PARD3: variants seen among roughly 807,000 people sequenced by gnomAD.
PARD3 encodes the protein par-3 family cell polarity regulator.
Under a neutral mutation model 155.4 loss-of-function variants are expected in PARD3, and 75 were observed. The observed-to-expected ratio is 0.48, with a 90% CI of 0.40 to 0.58. PARD3 has a LOEUF of 0.58. PARD3 is among the 20% of genes least tolerant of loss of function. PARD3 has a pLI of 0.00. For synonymous variants in PARD3, 576 were observed against 610.5 expected (o/e 0.94, Z 0.83); for missense variants, 1,642 against 1,721.7 (o/e 0.95, Z 0.82).
chr10:34,692,878 C>G (rs2094096017), intron 2 of PARD3, among the ~76,000 whole-genome samples: 1 of 152,040 alleles, frequency 6.6e-6, no homozygotes, highest in East Asian at 1.9e-4. Context: ...CATCTCAAAA[C>G]AAAGTGGACA....
chr10:34,126,142 T>A (rs1258882325), intron 23 of PARD3, among the ~76,000 whole-genome samples: 7 of 152,214 alleles, frequency 4.6e-5, no homozygotes, highest in African/African-American at 1.7e-4. Context: ...CTTCTCTTGC[T>A]CAACTTGGGA....
intron 5 of PARD3, among the ~76,000 whole-genome samples, chr10:34,412,843 G>C (rs542625817): frequency 2.9e-4 from 44 of 152,144 alleles, no homozygotes; most frequent in Non-Finnish European, 4.9e-4. Context: ...TTCAGAGAAA[G>C]AGACATTACA....
In PARD3 at chr10:34,813,310, C is replaced by G. The variant is rs937905358; in HGVS notation, c.120+1566G>C. Among the ~76,000 whole-genome samples the G allele has an allele frequency of 5.3e-5, 8 of 151,960 alleles. No individual in the cohort carries two copies. The East Asian group carries it at 9.7e-4, about 18-fold the overall frequency. ...CTGCAGAGTGCATATTACTTTATTT[C>G]TCTTTCCTTGCACAATTTGTTTTGT... On this transcript the variant is annotated intron_variant, in intron 1 of 24. Transcript: ENST00000374788.
intron 1 of PARD3, among the ~76,000 whole-genome samples, chr10:34,784,495 A>G (rs1436330847): frequency 1.3e-5 from 2 of 151,068 alleles, no homozygotes; most frequent in Non-Finnish European, 2.9e-5. Flanking sequence ...GCTGGAGTGC[A>G]GTGGTGTAAT....
intron 2 of PARD3, among the ~76,000 whole-genome samples, chr10:34,577,724 GTGTGCACGTGTGC>G (rs1344064234): frequency 6.6e-6 from 1 of 152,218 alleles, no homozygotes; most frequent in African/African-American, 2.4e-5. Context: ...ATGTGTGGAA[GTGTGCACGTGTGC>G]ACAGGCACAC....
intron 20 of PARD3, among the ~76,000 whole-genome samples, chr10:34,286,622 C>A (rs1324952102): frequency 2.0e-5 from 3 of 152,016 alleles, no homozygotes; most frequent in African/African-American, 7.3e-5. Context: ...AGTGATAGGG[C>A]TAGAATGGGA....
At chr10:34,482,740 C>T (rs1230355800) in intron 3 of PARD3, among the ~76,000 whole-genome samples, 1 of 151,772 alleles carries the variant, frequency 6.6e-6, no homozygotes, top group Non-Finnish European at 1.5e-5. Context: ...GAGATTGAAG[C>T]TGAGACCAGG....
At chr10:34,145,187 GTGTATA>G (rs1330097404) in intron 22 of PARD3, among the ~76,000 whole-genome samples, 23 of 84,592 alleles carry the variant, frequency 2.7e-4, no homozygotes, top group South Asian at 1.3e-3. Flanking sequence ...GTGTGTGTGT[GTGTATA>G]TATATATATA....
At chr10:34,396,378 C>CA (rs1057060862) in intron 7 of PARD3, among the ~76,000 whole-genome samples, 2 of 151,730 alleles carry the variant, frequency 1.3e-5, no homozygotes, top group African/African-American at 4.8e-5. Context: ...CCAACAACAA[C>CA]AAAAAAAACT....
intron 22 of PARD3, among the ~76,000 whole-genome samples, chr10:34,212,776 G>A (rs1187014122): frequency 6.6e-6 from 1 of 152,072 alleles, no homozygotes; most frequent in African/African-American, 2.4e-5. Flanking sequence ...CTTACATTGA[G>A]GATGAACTGG....
chr10:34,310,315 G>T (rs1395734696), intron 20 of PARD3, among the ~76,000 whole-genome samples: 2 of 152,160 alleles, frequency 1.3e-5, no homozygotes, highest in Non-Finnish European at 1.5e-5. Context: ...TTTACCCTGT[G>T]TTATTAGAAA....
intron 2 of PARD3, among the ~76,000 whole-genome samples, chr10:34,569,896 CAAA>C (rs35199552): frequency 7.5e-6 from 1 of 132,530 alleles, no homozygotes. Flanking sequence ...CCTACTCAAG[CAAA>C]AAAAAAAAAA....
At chr10:34,622,974 G>A (rs1436393785) in intron 2 of PARD3, among the ~76,000 whole-genome samples, 1 of 151,760 alleles carries the variant, frequency 6.6e-6, no homozygotes, top group Non-Finnish European at 1.5e-5. Flanking sequence ...CTGACAAATG[G>A]ACTGTGGTGT....
chr10:34,696,449 A>G lies in PARD3; in HGVS notation c.121-30T>C, dbSNP rs1027350641. ...ACGAAAGAACAGAAACACTGAATAT[A>G]GCAAGTTAGCATCACCAAAAGGGAA... is the stretch of plus-strand genomic sequence containing the variant. On this transcript the variant is annotated intron_variant, in intron 1 of 24. Coordinates refer to ENST00000374788, the MANE Select transcript of PARD3 (RefSeq NM_001184785.2). The G allele has an allele frequency of 3.9e-6, 5 of 1,292,118 alleles. No individual in the cohort carries two copies. In the African/African-American group the frequency reaches 5.8e-5, roughly 15 times the overall value. 80.0% of individuals were successfully genotyped at this position (1,292,118 alleles called of 1,614,324 possible).
At chr10:34,384,284 C>G (rs370650694) in intron 7 of PARD3, 30 bp from the exon 8 acceptor site, 12 of 1,601,024 alleles carry the variant, frequency 7.5e-6, no homozygotes, top group African/African-American at 1.3e-5. Flanking sequence ...AATGATTACA[C>G]ATGTAATATC....
chr10:34,378,838 A>G (rs1282148969), intron 9 of PARD3, among the ~76,000 whole-genome samples: 1 of 145,830 alleles, frequency 6.9e-6, no homozygotes, highest in Non-Finnish European at 1.6e-5. Context: ...TTTATAAATT[A>G]CTCTGATGAT....
At chr10:34,207,414 G>A (rs1000793146) in intron 22 of PARD3, among the ~76,000 whole-genome samples, 8 of 152,122 alleles carry the variant, frequency 5.3e-5, no homozygotes, top group African/African-American at 1.4e-4. Flanking sequence ...GAATGCAAAC[G>A]AGTCAGGACA....
At chr10:34,148,449 C>T (rs900718145) in intron 22 of PARD3, among the ~76,000 whole-genome samples, 1 of 152,134 alleles carries the variant, frequency 6.6e-6, no homozygotes, top group African/African-American at 2.4e-5. Flanking sequence ...TTTTGGCTGA[C>T]ATTTTGTTTT....
intron 22 of PARD3, among the ~76,000 whole-genome samples, chr10:34,257,861 AT>A (rs1954741561): frequency 6.6e-6 from 1 of 152,250 alleles, no homozygotes; most frequent in South Asian, 2.1e-4. Flanking sequence ...TCAAGATTTC[AT>A]TTGTTGGGTG....
Sources: gnomAD v4.1 joint callset for allele counts (sites outside exome capture counted in the v4.1 genomes callset) on GRCh38, gnomAD v4.1.1 for gene constraint, MANE v1.5 for transcripts, NCBI Gene and HGNC (gene_info 2026-07-23, HGNC 2026-07-21) for gene names.